The following LRP1B variants were observed in gnomAD, a reference collection of about 807,000 sequenced individuals.
LRP1B encodes the protein LDL receptor related protein 1B, also known as low-density lipoprotein receptor-related protein 1B.
A neutral mutation model predicts 556.6 loss-of-function variants in LRP1B; 217 were observed. The observed-to-expected ratio is 0.39, with a 90% CI of 0.35 to 0.44. LRP1B has a LOEUF of 0.44. Among genes scored for constraint, LRP1B ranks in the 20% least tolerant of loss-of-function variants. The probability of loss-of-function intolerance (pLI) is 1.00; values close to 1 mark genes in which losing one functional copy is unlikely to be tolerated. For missense variants in LRP1B, 5,053 were observed against 5,620.8 expected (o/e 0.90, Z 3.23); for synonymous variants, 2,047 against 1,865.8 (o/e 1.10, Z -2.50).
At chr2:141,620,386 A>T (rs1688458514) in intron 2 of LRP1B, among the ~76,000 whole-genome samples, 1 of 152,236 alleles carries the variant, frequency 6.6e-6, no homozygotes, top group Non-Finnish European at 1.5e-5. Flanking sequence ...GATTATTCTA[A>T]CAAGTTAATT....
At chr2:140,784,278 G>C (rs974031836) in intron 32 of LRP1B, among the ~76,000 whole-genome samples, 1 of 151,632 alleles carries the variant, frequency 6.6e-6, no homozygotes, top group Non-Finnish European at 1.5e-5. Flanking sequence ...TGACATCCAG[G>C]TTTCTATGCC....
rs887583880 is a variant in LRP1B at position 140,502,069 on chromosome 2, G to C, written c.8663-195C>G. Among the ~76,000 whole-genome samples the C allele has an allele frequency of 2.6e-5, 4 of 151,994 alleles. No homozygotes were observed. In the South Asian group the frequency reaches 8.3e-4, roughly 31 times the overall value. On this transcript the variant is annotated intron_variant, in intron 54 of 90. Transcript: ENST00000389484. ...AACCAAGGGCAAACTGTACTTTCAT[G>C]TTCAATACTTATTGCAAATATAGCT...
intron 2 of LRP1B, among the ~76,000 whole-genome samples, chr2:141,637,230 T>C (rs1016180912): frequency 1.3e-5 from 2 of 152,192 alleles, no homozygotes; most frequent in African/African-American, 4.8e-5. Context: ...AGAAATTATG[T>C]ATATGCCAGG....
At chr2:140,709,450 GGAAGAA>G (rs70988418) in intron 37 of LRP1B, among the ~76,000 whole-genome samples, 10 of 150,896 alleles carry the variant, frequency 6.6e-5, no homozygotes, top group Admixed American at 1.3e-4. Flanking sequence ...AGGAGCAGGA[GGAAGAA>G]GAAGAAGAAG....
At chr2:141,139,792 T>C (rs750096764) in intron 7 of LRP1B, among the ~76,000 whole-genome samples, 7,468 of 129,048 alleles carry the variant, frequency 0.058, 380 homozygotes, top group African/African-American at 0.17. Context: ...TGTGTGTGTG[T>C]GTGTGTGTGT....
chr2:141,830,713 T>C (rs1697087502), intron 1 of LRP1B, among the ~76,000 whole-genome samples: 1 of 151,790 alleles, frequency 6.6e-6, no homozygotes, highest in Non-Finnish European at 1.5e-5. Context: ...TCAGTGGATT[T>C]TTATATTTAC....
intron 27 of LRP1B, among the ~76,000 whole-genome samples, chr2:140,860,975 C>CATCTATCTATCTATCTATCT (rs35339728): frequency 6.9e-6 from 1 of 145,866 alleles, no homozygotes; most frequent in Non-Finnish European, 1.5e-5. Context: ...GAGAATTGTG[C>CATCTATCTATCTATCTATCT]ATCTATCTAT....
At chr2:141,917,775 A>T (rs1221559087) in intron 1 of LRP1B, among the ~76,000 whole-genome samples, 1 of 152,224 alleles carries the variant, frequency 6.6e-6, no homozygotes, top group African/African-American at 2.4e-5. Context: ...TTACTTGCTT[A>T]ACCCTTTTCT....
intron 88 of LRP1B, among the ~76,000 whole-genome samples, chr2:140,238,541 T>A (rs904266577): frequency 2.0e-5 from 3 of 150,942 alleles, no homozygotes; most frequent in Non-Finnish European, 4.5e-5. Context: ...TGAAATTGAA[T>A]ATTTACCAAT....
At chr2:140,425,052 C>T (rs750901533) in intron 66 of LRP1B, among the ~76,000 whole-genome samples, 2 of 150,956 alleles carry the variant, frequency 1.3e-5, no homozygotes, top group Non-Finnish European at 1.5e-5. Flanking sequence ...CTTGGAGGGA[C>T]GTTTTTTTTT....
chr2:141,913,675 T>C (rs1193028695), intron 1 of LRP1B, among the ~76,000 whole-genome samples: 2 of 152,154 alleles, frequency 1.3e-5, no homozygotes, highest in African/African-American at 4.8e-5. Context: ...TAGGTAGGAT[T>C]GTCCATTGAG....
At position 141,230,260 on chromosome 2, in the gene LRP1B, A is replaced by C. The variant is rs1365210336; in HGVS notation, c.593-820T>G. ...AAATAGGAAATATGTGGAAATCTTT[A>C]ATTCATCTGTATCTAATGCATCAAT... On this transcript the variant is annotated intron_variant, in intron 5 of 90. Coordinates refer to ENST00000389484, the MANE Select transcript of LRP1B (RefSeq NM_018557.3). 2.0e-5 allele frequency among the ~76,000 whole-genome samples: 3 copies of C among 152,308 alleles called. No homozygotes were observed. In the South Asian group the frequency reaches 6.2e-4, roughly 32 times the overall value.
intron 2 of LRP1B, among the ~76,000 whole-genome samples, chr2:141,702,889 G>C (rs1691992024): frequency 6.6e-6 from 1 of 151,848 alleles, no homozygotes; most frequent in South Asian, 2.1e-4. Flanking sequence ...GTCTGCCCAA[G>C]TTGTGCTAAT....
At chr2:141,117,928 T>C (rs560029299) in intron 7 of LRP1B, among the ~76,000 whole-genome samples, 2 of 152,128 alleles carry the variant, frequency 1.3e-5, no homozygotes, top group South Asian at 4.1e-4. Context: ...CCCTTGGATG[T>C]CTCTTTCATA....
chr2:140,975,748 C>A (rs1348766657), intron 18 of LRP1B, among the ~76,000 whole-genome samples: 3 of 152,112 alleles, frequency 2.0e-5, no homozygotes, highest in Non-Finnish European at 4.4e-5. Flanking sequence ...TATGGTTACA[C>A]ACATATGCAG....
At chr2:141,773,493 T>C (rs1031151093) in intron 2 of LRP1B, among the ~76,000 whole-genome samples, 1 of 152,206 alleles carries the variant, frequency 6.6e-6, no homozygotes, top group Non-Finnish European at 1.5e-5. Flanking sequence ...AGATTATTTA[T>C]CACTACAAAG....
intron 83 of LRP1B, among the ~76,000 whole-genome samples, chr2:140,308,938 C>G (rs1684179634): frequency 6.6e-6 from 1 of 151,748 alleles, no homozygotes; most frequent in Admixed American, 6.6e-5. Flanking sequence ...CAGTTAGTTA[C>G]AGGATTGCAA....
At chr2:140,277,164 G>A (rs552510168) in intron 84 of LRP1B, among the ~76,000 whole-genome samples, 2 of 151,872 alleles carry the variant, frequency 1.3e-5, no homozygotes, top group Admixed American at 6.6e-5. Context: ...GTTGATGAAT[G>A]TCCAGGACCA....
chr2:140,277,988 A>G (rs886765895), intron 84 of LRP1B, among the ~76,000 whole-genome samples: 1 of 151,540 alleles, frequency 6.6e-6, no homozygotes, highest in East Asian at 1.9e-4. Flanking sequence ...GTCTGTCCCA[A>G]GAATGGATAA....
Sources: allele counts gnomAD v4.1 joint callset (sites outside exome capture counted in the v4.1 genomes callset), GRCh38; gene constraint gnomAD v4.1.1; transcripts MANE v1.5; gene names NCBI Gene and HGNC (gene_info 2026-07-23, HGNC 2026-07-21).